The following ZNF544 variants were observed in gnomAD, a reference collection of about 807,000 sequenced individuals.
ZNF544 encodes the protein zinc finger protein 544, also known as zinc finger protein AF020591.
ZNF544 carries 10 observed loss-of-function variants against 13.5 expected under a neutral mutation model. The ratio of observed to expected loss-of-function variants is 0.74; its 90% CI spans 0.46 to 1.25. The LOEUF (loss-of-function observed/expected upper bound fraction) is 1.25. Ranked by LOEUF, ZNF544 falls within the 50% of genes most tolerant of loss-of-function variation. The probability of loss-of-function intolerance (pLI) is 0.00; values close to 1 mark genes in which losing one functional copy is unlikely to be tolerated. For synonymous variants in ZNF544, 323 were observed against 300.5 expected (o/e 1.07, Z -0.77); for missense variants, 896 against 845.6 (o/e 1.06, Z -0.74).
In ZNF544 at chr19:58,243,955, TC is replaced by T; in HGVS notation, c.-59-8del. The T allele has an allele frequency of 6.5e-7, 1 of 1,545,492 alleles. No homozygotes were observed. Among genetic ancestry groups the T allele is most frequent in the Non-Finnish European group, 8.7e-7 (1 of 1,142,992 alleles). On this transcript the variant is annotated splice_polypyrimidine_tract_variant and intron_variant, in intron 3 of 6. Transcript: ENST00000687789. ...CGAGGGGCTGAATCTCTGCTTGTTT[TC>T]CACCCCAGACTGGTCTTCTGAGGAC...
At chr19:58,253,660 G>A (rs1472391312) in intron 6 of ZNF544, among the ~76,000 whole-genome samples, 5 of 151,750 alleles carry the variant, frequency 3.3e-5, no homozygotes, top group African/African-American at 4.8e-5. Flanking sequence ...AGCTGGTCTC[G>A]AACTCCTGAC....
At chr19:58,274,841 C>CT (rs1046251395) in intron 5 of ZNF544, among the ~76,000 whole-genome samples, 42 of 152,152 alleles carry the variant, frequency 2.8e-4, no homozygotes, top group African/African-American at 8.9e-4. Context: ...CTGGAAAACT[C>CT]TATTGTATAT....
downstream of ZNF544, among the ~76,000 whole-genome samples, chr19:58,264,674 G>A (rs1398011231): frequency 4.0e-5 from 6 of 151,814 alleles, no homozygotes; most frequent in African/African-American, 1.5e-4. Flanking sequence ...TTGGGCAACA[G>A]GGCAAGACTG....
chr19:58,251,711 G>A (rs956632572), intron 6 of ZNF544, among the ~76,000 whole-genome samples: 2 of 152,164 alleles, frequency 1.3e-5, no homozygotes, highest in African/African-American at 4.8e-5. Context: ...TATAACATTT[G>A]TGTGGGCTCA....
intron 6 of ZNF544, among the ~76,000 whole-genome samples, chr19:58,252,915 G>T (rs1204800179): frequency 6.6e-6 from 1 of 152,180 alleles, no homozygotes; most frequent in African/African-American, 2.4e-5. Context: ...TGACTCCCTG[G>T]TTCAAGCAAT....
Position 58,262,732 on chromosome 19 carries a change from C to A in ZNF544, c.2126C>A (p.Thr709Lys). 6.2e-7 allele frequency: 1 copy of A among 1,604,096 alleles called. No homozygotes were observed. ...QQSQLVVHRR[T>K]HTGEKP is the part of the protein sequence containing the mutation. The stretch of plus-strand genomic sequence containing the variant: ...TCTCAACTTGTAGTGCATCGGCGGA[C>A]ACATACTGGAGAGAAACCTTAGGAG... The change falls in exon 7 of 7, where the codon ACA (threonine) becomes AAA (lysine). Residue 709 changes from threonine (T) to lysine (K), a missense_variant. Transcript: ENST00000687789.
At chr19:58,255,736 C>A (rs375356544) in intron 6 of ZNF544, among the ~76,000 whole-genome samples, 1 of 152,338 alleles carries the variant, frequency 6.6e-6, no homozygotes, top group South Asian at 2.1e-4. Context: ...CTGAAATATG[C>A]GTGAGTTCGC....
chr19:58,234,850 C>CA (rs2042061760), intron 3 of ZNF544, among the ~76,000 whole-genome samples: 1 of 152,124 alleles, frequency 6.6e-6, no homozygotes, highest in South Asian at 2.1e-4. Flanking sequence ...ACAGCTATTA[C>CA]AAAAATTGTT....
chr19:58,248,311 T>C (rs1168127665), intron 6 of ZNF544, among the ~76,000 whole-genome samples: 4 of 141,084 alleles, frequency 2.8e-5, no homozygotes, highest in Non-Finnish European at 6.1e-5. Context: ...GATGCAGTCA[T>C]AGCTTAAGCC....
intron 3 of ZNF544, among the ~76,000 whole-genome samples, chr19:58,233,822 C>T (rs1600207614): frequency 6.6e-6 from 1 of 152,284 alleles, no homozygotes; most frequent in East Asian, 1.9e-4. Flanking sequence ...GGCTGGCAAA[C>T]GTAACTGCCT....
chr19:58,271,681 C>G (rs1057025549), intron 5 of ZNF544, among the ~76,000 whole-genome samples: 2 of 152,120 alleles, frequency 1.3e-5, no homozygotes, highest in African/African-American at 4.8e-5. Context: ...AAGCCCATAG[C>G]ATTTAATTCC....
At chr19:58,241,340 T>C (rs2043811009) in intron 3 of ZNF544, among the ~76,000 whole-genome samples, 2 of 150,228 alleles carry the variant, frequency 1.3e-5, no homozygotes, top group African/African-American at 4.9e-5. Context: ...AAGTTTAATG[T>C]TGGGAGTCAG....
chr19:58,258,399 AGGGC>A (rs1381493348), intron 6 of ZNF544: 33 of 63,452 alleles, frequency 5.2e-4, no homozygotes, highest in Admixed American at 1.4e-3. Flanking sequence ...ACTGGGTGTG[AGGGC>A]ACCAGGTGTG....
chr19:58,267,980 CA>C (rs34224643), downstream of ZNF544, among the ~76,000 whole-genome samples: 87 of 139,660 alleles, frequency 6.2e-4, no homozygotes, highest in African/African-American at 1.5e-3. Flanking sequence ...GACTGCGTTT[CA>C]AAAAAAAAAA....
At chr19:58,260,820 C>T in intron 6 of ZNF544, 31 bp from the exon 7 acceptor site, 1 of 1,531,906 alleles carries the variant, frequency 6.5e-7, no homozygotes, top group Non-Finnish European at 8.8e-7. Context: ...GATGCTTCTC[C>T]AGTAACTTAG....
chr19:58,246,961 C>T, intron 6 of ZNF544, 167 bp downstream of exon 6: 1 of 570,856 alleles, frequency 1.8e-6, no homozygotes, highest in Non-Finnish European at 3.1e-6. Flanking sequence ...TCGAAGTATG[C>T]AGTTCATGGC....
intron 6 of ZNF544, among the ~76,000 whole-genome samples, chr19:58,257,079 G>A (rs1042310483): frequency 1.3e-5 from 2 of 151,994 alleles, no homozygotes; most frequent in African/African-American, 4.8e-5. Flanking sequence ...CCACCACCAC[G>A]CCCGTCTAAT....
chr19:58,235,465 G>GGATT (rs1477808118), intron 3 of ZNF544, among the ~76,000 whole-genome samples: 20 of 151,982 alleles, frequency 1.3e-4, no homozygotes, highest in Admixed American at 3.9e-4. Context: ...TTAAGATGTT[G>GGATT]GATTATTTAT....
At chr19:58,273,261 TTAA>T (rs1268018137) in intron 5 of ZNF544, among the ~76,000 whole-genome samples, 3 of 151,916 alleles carry the variant, frequency 2.0e-5, no homozygotes, top group African/African-American at 4.8e-5. Flanking sequence ...AAATTACAAA[TTAA>T]TAATTGTGGG....
Sources: gnomAD v4.1 joint callset for allele counts (sites outside exome capture counted in the v4.1 genomes callset) on GRCh38, gnomAD v4.1.1 for gene constraint, MANE v1.5 for transcripts, NCBI Gene and HGNC (gene_info 2026-07-23, HGNC 2026-07-21) for gene names.